KIAA1958: variants seen among roughly 807,000 people sequenced by gnomAD.
The protein encoded by KIAA1958 is KIAA1958.
Under a neutral mutation model 47.2 loss-of-function variants are expected in KIAA1958, and 14 were observed. The observed-to-expected ratio is 0.30, with a 90% CI of 0.20 to 0.46. The LOEUF is 0.46. KIAA1958 is among the 20% of genes least tolerant of loss of function. The pLI is 1.00. For synonymous variants in KIAA1958, 354 were observed against 353.3 expected, an observed-to-expected ratio of 1.00 and a Z score of -0.02; for missense variants, 803 against 909.2, an observed-to-expected ratio of 0.88 and a Z score of 1.50.
chr9:112,546,744 T>A (rs1484297866), intron 1 of KIAA1958, among the ~76,000 whole-genome samples: 1 of 152,130 alleles, frequency 6.6e-6, no homozygotes, highest in Admixed American at 6.5e-5. Flanking sequence ...TTCTCAGAGT[T>A]CTATGTCCTC....
intron 1 of KIAA1958, among the ~76,000 whole-genome samples, chr9:112,565,938 C>G (rs977562414): frequency 1.3e-5 from 2 of 152,228 alleles, no homozygotes; most frequent in Non-Finnish European, 2.9e-5. Flanking sequence ...GAGTCTCGCT[C>G]TGTCGCCCAG....
rs1834022340 is a variant in KIAA1958, at chr9:112,494,642, G to GT, written c.-25+7530dup. Among the ~76,000 whole-genome samples, 4 of 151,652 alleles carry GT rather than the reference G, an allele frequency of 2.6e-5. No individual in the cohort carries two copies. The South Asian group carries it at 8.3e-4, about 32-fold the overall frequency. The stretch of plus-strand genomic sequence containing the variant: ...ATCACCATGCCCTACTAATTTTTGT[G>GT]TTTTTTGTAGAGACAGGGTTTCACC... On this transcript the variant is annotated intron_variant, in intron 1 of 3. Transcript: ENST00000337530.
At chr9:112,646,274 A>G (rs1166142265) in intron 3 of KIAA1958, among the ~76,000 whole-genome samples, 1 of 152,224 alleles carries the variant, frequency 6.6e-6, no homozygotes, top group African/African-American at 2.4e-5. Flanking sequence ...GTGCCAGGCT[A>G]AAATCTTGTG....
chr9:112,604,141 C>G (rs912507307), intron 2 of KIAA1958, among the ~76,000 whole-genome samples: 1 of 152,020 alleles, frequency 6.6e-6, no homozygotes, highest in Admixed American at 6.6e-5. Context: ...ATAAATCTCC[C>G]CAAATTAAAT....
chr9:112,531,150 AG>A lies in KIAA1958; in HGVS notation c.-24-42905del, dbSNP rs555943969. ...ACGCCTGTAATCCCAGGACTTTGGG[AG>A]GCCGAGGCAGGCGTATCACCTGAGG... On this transcript the variant is annotated intron_variant, in intron 1 of 3. Coordinates refer to ENST00000337530, the MANE Select transcript of KIAA1958 (RefSeq NM_133465.4). Among the ~76,000 whole-genome samples the A allele has an allele frequency of 2.6e-5, 4 of 152,314 alleles. No individual in the cohort carries two copies. In the South Asian group the frequency reaches 8.3e-4, roughly 32 times the overall value.
intron 1 of KIAA1958, among the ~76,000 whole-genome samples, chr9:112,530,490 A>G (rs1396003225): frequency 6.6e-6 from 1 of 152,168 alleles, no homozygotes; most frequent in African/African-American, 2.4e-5. Flanking sequence ...ATGTGCTTAT[A>G]TGAGTTTGGA....
intron 1 of KIAA1958, among the ~76,000 whole-genome samples, chr9:112,560,258 T>A (rs1007722044): frequency 3.4e-5 from 5 of 148,596 alleles, no homozygotes; most frequent in Admixed American, 6.9e-5. Flanking sequence ...TGGAGTGCAG[T>A]GGTATGATCA....
intron 1 of KIAA1958, among the ~76,000 whole-genome samples, chr9:112,569,938 TTAAG>T (rs1352181647): frequency 6.6e-6 from 1 of 152,226 alleles, no homozygotes; most frequent in African/African-American, 2.4e-5. Flanking sequence ...TAAGCATTTA[TTAAG>T]TGTTTTACTT....
chr9:112,627,151 A>G (rs1836631205), intron 2 of KIAA1958, among the ~76,000 whole-genome samples: 1 of 152,216 alleles, frequency 6.6e-6, no homozygotes, highest in African/African-American at 2.4e-5. Flanking sequence ...ATCTTGTGTC[A>G]TGTTTATAAT....
intron 2 of KIAA1958, among the ~76,000 whole-genome samples, chr9:112,615,184 G>A (rs1329341096): frequency 6.6e-6 from 1 of 152,154 alleles, no homozygotes; most frequent in Non-Finnish European, 1.5e-5. Context: ...CACTTTGGGA[G>A]GCAAGACGGG....
intron 1 of KIAA1958, among the ~76,000 whole-genome samples, chr9:112,521,914 C>A (rs1834551199): frequency 1.3e-5 from 2 of 152,010 alleles, no homozygotes; most frequent in East Asian, 3.8e-4. Flanking sequence ...TTTTTCTCCA[C>A]ACACTTGAAT....
chr9:112,644,791 G>A (rs1203604793), intron 2 of KIAA1958, among the ~76,000 whole-genome samples: 1 of 151,830 alleles, frequency 6.6e-6, no homozygotes, highest in East Asian at 1.9e-4. Flanking sequence ...GTGGAATCAG[G>A]ATTTAAACAC....
chr9:112,541,018 C>T (rs1834931695), intron 1 of KIAA1958, among the ~76,000 whole-genome samples: 1 of 152,030 alleles, frequency 6.6e-6, no homozygotes, highest in South Asian at 2.1e-4. Context: ...CCGAGCCTGG[C>T]CTGGAGTTTC....
intron 1 of KIAA1958, among the ~76,000 whole-genome samples, chr9:112,505,083 A>G (rs190337966): frequency 1.3e-5 from 2 of 152,162 alleles, no homozygotes. Flanking sequence ...CTGTCTTTCC[A>G]TTCTCTACCT....
intron 2 of KIAA1958, chr9:112,582,385 T>C (rs939015135): frequency 6.6e-6 from 1 of 152,110 alleles, no homozygotes; most frequent in African/African-American, 2.4e-5. Flanking sequence ...CCCACAAAAA[T>C]TAAAAATTAA....
chr9:112,582,246 A>G (rs1281481702), intron 2 of KIAA1958, among the ~76,000 whole-genome samples: 2 of 152,182 alleles, frequency 1.3e-5, no homozygotes, highest in Non-Finnish European at 2.9e-5. Flanking sequence ...GTATAATTGG[A>G]TTGTCTGTAA....
intron 1 of KIAA1958, among the ~76,000 whole-genome samples, chr9:112,542,442 A>T (rs3849136): frequency 0.95 from 145,342 of 152,262 alleles, 69,439 homozygotes; most frequent in African/African-American, 0.99. Context: ...TTATAAAGAA[A>T]ATATTCACAT....
chr9:112,618,281 C>T lies in KIAA1958; in HGVS notation c.1172-27369C>T. 1 of 1,550,946 alleles carries T rather than the reference C, an allele frequency of 6.4e-7. No homozygotes were observed. Among genetic ancestry groups the T allele is most frequent in the Non-Finnish European group, 8.7e-7 (1 of 1,147,064 alleles). On this transcript the variant is annotated intron_variant, in intron 2 of 3. Coordinates refer to ENST00000337530, the MANE Select transcript of KIAA1958 (RefSeq NM_133465.4). The surrounding 1 kb of genome is among the most constrained non-coding windows in gnomAD (Gnocchi z 7.1). The stretch of plus-strand genomic sequence containing the variant: ...GCTCACCTTTGCTGACGAGCTCATC[C>T]TGCGGAAAAGGGGACTGCTAAGCCG...
At chr9:112,597,840 T>C (rs1367635267) in intron 2 of KIAA1958, among the ~76,000 whole-genome samples, 5 of 152,238 alleles carry the variant, frequency 3.3e-5, no homozygotes, top group Admixed American at 2.6e-4. Context: ...ATTTTTCTTA[T>C]ATAGTTTTAG....
Sources: allele counts gnomAD v4.1 joint callset (sites outside exome capture counted in the v4.1 genomes callset), GRCh38; gene constraint gnomAD v4.1.1; non-coding constraint Gnocchi (gnomAD v3.1); transcripts MANE v1.5; gene names NCBI Gene and HGNC (gene_info 2026-07-23, HGNC 2026-07-21).